The following SIPA1L1 variants were observed in gnomAD, a reference collection of about 807,000 sequenced individuals.
SIPA1L1 encodes signal-induced proliferation-associated 1-like protein 1.
Under a neutral mutation model 162.7 loss-of-function variants are expected in SIPA1L1, and 26 were observed. That is an observed-to-expected ratio of 0.16 (90% CI 0.12 to 0.22). SIPA1L1 has a LOEUF of 0.22. Among genes scored for constraint, SIPA1L1 ranks in the 10% least tolerant of loss-of-function variants. The pLI, the probability that SIPA1L1 is intolerant of heterozygous loss-of-function variation, is 1.00. For synonymous variants in SIPA1L1, 829 were observed against 837.4 expected (o/e 0.99, Z 0.17); for missense variants, 1,874 against 2,241.0 (o/e 0.84, Z 3.31).
Position 71,671,836 on chromosome 14 carries a change from C to T in SIPA1L1, c.2829+144C>T, listed in dbSNP as rs56135446. The T allele has an allele frequency of 1.7e-3, 1,090 of 647,006 alleles. 14 individuals carry two copies. In the African/African-American group the frequency reaches 0.018, roughly 11 times the overall value. 40.1% of individuals were successfully genotyped at this position (647,006 alleles called of 1,614,324 possible). ...GATGTGTGAAGCAAACAGAGTTTATCTCATGCTTGTGTTTTCCATGGATGT... is the reference window on the plus strand; with the variant it reads ...GATGTGTGAAGCAAACAGAGTTTATTTCATGCTTGTGTTTTCCATGGATGT... On this transcript the variant is annotated intron_variant, in intron 11 of 23. Coordinates refer to ENST00000381232, the MANE Select transcript of SIPA1L1 (RefSeq NM_001386936.1).
chr14:71,493,217 T>C (rs898681072), intron 2 of SIPA1L1, among the ~76,000 whole-genome samples: 2 of 152,060 alleles, frequency 1.3e-5, no homozygotes, highest in African/African-American at 4.8e-5. Context: ...CTCAGCCTCC[T>C]GAGTAGCTAG....
At chr14:71,690,488 TCCTC>T (rs2149647816) in intron 13 of SIPA1L1, among the ~76,000 whole-genome samples, 1 of 152,188 alleles carries the variant, frequency 6.6e-6, no homozygotes, top group East Asian at 1.9e-4. Flanking sequence ...CCTCAAGTGA[TCCTC>T]CCTCCTCAGC....
intron 2 of SIPA1L1, among the ~76,000 whole-genome samples, chr14:71,483,106 A>G (rs1348925459): frequency 6.6e-6 from 1 of 152,212 alleles, no homozygotes; most frequent in Non-Finnish European, 1.5e-5. Context: ...AAGACATTCA[A>G]GTCTTTGGAG....
chr14:71,480,034 C>G (rs2048217550), intron 2 of SIPA1L1, among the ~76,000 whole-genome samples: 1 of 152,066 alleles, frequency 6.6e-6, no homozygotes, highest in East Asian at 1.9e-4. Flanking sequence ...CCATTGCATG[C>G]AGTCCTCCTC....
At position 71,685,761 on chromosome 14, in the gene SIPA1L1, G is replaced by A. The variant is rs908541816; in HGVS notation, c.3374+130G>A. 3.3e-5 allele frequency: 39 copies of A among 1,172,042 alleles called. No individual in the cohort carries two copies. In the East Asian group the frequency reaches 6.5e-4, roughly 20 times the overall value. The allele number at this position is 1,172,042 out of a possible 1,614,324, so 72.6% of individuals were successfully genotyped here. Reference sequence around the variant, plus strand: ...AAAGAATTAAACTGAGGTGCATACCGTAGTGACTTTCAAAGCATGGTAGTG... The same window carrying A: ...AAAGAATTAAACTGAGGTGCATACCATAGTGACTTTCAAAGCATGGTAGTG... On this transcript the variant is annotated intron_variant, in intron 13 of 23. Coordinates refer to ENST00000381232, the MANE Select transcript of SIPA1L1 (RefSeq NM_001386936.1).
intron 4 of SIPA1L1, among the ~76,000 whole-genome samples, chr14:71,573,199 T>C (rs1010570652): frequency 2.0e-5 from 3 of 152,234 alleles, no homozygotes; most frequent in Non-Finnish European, 2.9e-5. Context: ...AACTACTATG[T>C]ATATTACTTT....
intron 2 of SIPA1L1, among the ~76,000 whole-genome samples, chr14:71,360,115 T>C (rs2037661514): frequency 6.6e-6 from 1 of 152,182 alleles, no homozygotes; most frequent in Admixed American, 6.5e-5. Context: ...TCTACTAATC[T>C]AAACTTTTTA....
intron 2 of SIPA1L1, among the ~76,000 whole-genome samples, chr14:71,481,487 AAAAC>A (rs1218497247): frequency 6.6e-6 from 1 of 152,104 alleles, no homozygotes; most frequent in Non-Finnish European, 1.5e-5. Context: ...GACCTTCTGT[AAAAC>A]AAACAAACAA....
At chr14:71,330,627 C>A in intron 2 of SIPA1L1, 1 of 930,320 alleles carries the variant, frequency 1.1e-6, no homozygotes. Context: ...TGGTTTGGGG[C>A]GGAAACTGGG....
At chr14:71,564,303 A>G (rs367927183) in intron 4 of SIPA1L1, among the ~76,000 whole-genome samples, 2 of 147,422 alleles carry the variant, frequency 1.4e-5, no homozygotes, top group South Asian at 2.1e-4. Flanking sequence ...TACTCTCTAT[A>G]CTTTTCTTGG....
chr14:71,626,635 T>C (rs2040015880), intron 7 of SIPA1L1, among the ~76,000 whole-genome samples: 1 of 152,212 alleles, frequency 6.6e-6, no homozygotes, highest in Admixed American at 6.5e-5. Flanking sequence ...TTAGTTTCCA[T>C]CTGTGTCGTC....
chr14:71,706,718 G>A (rs889399676), intron 16 of SIPA1L1, among the ~76,000 whole-genome samples: 1 of 152,136 alleles, frequency 6.6e-6, no homozygotes, highest in African/African-American at 2.4e-5. Context: ...TTTTTTCAAG[G>A]GGAAGAGATG....
chr14:71,406,460 G>A (rs2042033602), intron 2 of SIPA1L1, among the ~76,000 whole-genome samples: 2 of 152,198 alleles, frequency 1.3e-5, no homozygotes, highest in South Asian at 4.1e-4. Flanking sequence ...CCATTGGGAT[G>A]TGCTTTTCTG....
intron 4 of SIPA1L1, among the ~76,000 whole-genome samples, chr14:71,556,357 C>T (rs1381171992): frequency 6.6e-6 from 1 of 152,166 alleles, no homozygotes; most frequent in Non-Finnish European, 1.5e-5. Context: ...AAACAGCGTA[C>T]ACTGGCTGGA....
At chr14:71,700,994 C>CAAAAAAAAAAAAAA (rs539293669) in intron 14 of SIPA1L1, among the ~76,000 whole-genome samples, 8 of 51,750 alleles carry the variant, frequency 1.5e-4, no homozygotes, top group Non-Finnish European at 2.0e-4. Context: ...GACTCCGTCT[C>CAAAAAAAAAAAAAA]AAAAAAAAAA....
chr14:71,646,224 T>C (rs1233136135), intron 7 of SIPA1L1, among the ~76,000 whole-genome samples: 1 of 151,342 alleles, frequency 6.6e-6, no homozygotes, highest in Non-Finnish European at 1.5e-5. Flanking sequence ...TCTCCCAGGC[T>C]GGAGTGCAGT....
chr14:71,392,609 G>A (rs1239583915), intron 2 of SIPA1L1, among the ~76,000 whole-genome samples: 2 of 152,006 alleles, frequency 1.3e-5, no homozygotes, highest in African/African-American at 4.8e-5. Context: ...CTCACTGCAA[G>A]CCCCGCCTTC....
chr14:71,523,372 G>T (rs1595892898), intron 3 of SIPA1L1, among the ~76,000 whole-genome samples: 1 of 145,988 alleles, frequency 6.8e-6, no homozygotes. Context: ...TTTTTATTTT[G>T]ACATAATCTC....
chr14:71,363,938 C>T (rs1320787712), intron 2 of SIPA1L1, among the ~76,000 whole-genome samples: 4 of 152,176 alleles, frequency 2.6e-5, no homozygotes, highest in African/African-American at 9.6e-5. Flanking sequence ...TTCCTGTTTC[C>T]CTTGCTAGAA....
Sources: gnomAD v4.1 joint callset for allele counts (sites outside exome capture counted in the v4.1 genomes callset) on GRCh38, gnomAD v4.1.1 for gene constraint, MANE v1.5 for transcripts, NCBI Gene and HGNC (gene_info 2026-07-23, HGNC 2026-07-21) for gene names.